The following RNLS variants were observed in gnomAD, a reference collection of about 807,000 sequenced individuals.
RNLS encodes renalase, FAD dependent amine oxidase, also known as renalase.
A neutral mutation model predicts 39.8 loss-of-function variants in RNLS; 39 were observed. The observed-to-expected ratio is 0.98, with a 90% confidence interval of 0.76 to 1.28. The LOEUF is 1.28. RNLS is among the 50% of genes most tolerant of loss of function. RNLS has a pLI of 0.00. For missense variants in RNLS, 410 were observed against 413.3 expected (o/e 0.99, Z 0.07); for synonymous variants, 147 against 150.7 (o/e 0.98, Z 0.18).
At chr10:88,391,391 C>G (rs1222312961) in intron 4 of RNLS, among the ~76,000 whole-genome samples, 1 of 152,074 alleles carries the variant, frequency 6.6e-6, no homozygotes, top group Non-Finnish European at 1.5e-5. Flanking sequence ...AACCCCATCT[C>G]TACTAAAAAT....
At chr10:88,477,950 A>G (rs925213253) in intron 4 of RNLS, among the ~76,000 whole-genome samples, 1 of 152,200 alleles carries the variant, frequency 6.6e-6, no homozygotes, top group African/African-American at 2.4e-5. Flanking sequence ...GAATGCAATC[A>G]TGCATGGAAT....
intron 6 of RNLS, among the ~76,000 whole-genome samples, chr10:88,287,681 C>A (rs1408217776): frequency 6.6e-6 from 1 of 152,062 alleles, no homozygotes; most frequent in African/African-American, 2.4e-5. Context: ...AACTTATAAT[C>A]ATGGCAGAAG....
At chr10:88,463,771 A>G (rs1412605693) in intron 4 of RNLS, among the ~76,000 whole-genome samples, 1 of 151,994 alleles carries the variant, frequency 6.6e-6, no homozygotes, top group Non-Finnish European at 1.5e-5. Context: ...AAAAAATAAA[A>G]TACAGTTTTA....
chr10:88,334,486 A>G (rs760554685), intron 5 of RNLS, among the ~76,000 whole-genome samples: 2 of 152,164 alleles, frequency 1.3e-5, no homozygotes, highest in East Asian at 1.9e-4. Context: ...TGAAAAACCA[A>G]CCTATCAAGC....
chr10:88,347,765 C>T (rs1226915475), intron 5 of RNLS, among the ~76,000 whole-genome samples: 9 of 152,090 alleles, frequency 5.9e-5, no homozygotes, highest in East Asian at 1.9e-4. Flanking sequence ...GGAACTTCCA[C>T]CACCTGGTTT....
At chr10:88,188,320 G>T in the RNLS span, among the ~76,000 whole-genome samples, 2 of 152,302 alleles carry the variant, frequency 1.3e-5, no homozygotes, top group African/African-American at 4.8e-5. Flanking sequence ...GCTTCCCAAA[G>T]TGCTAGGATT....
At chr10:88,247,662 A>G in the RNLS span, among the ~76,000 whole-genome samples, 2 of 152,216 alleles carry the variant, frequency 1.3e-5, no homozygotes, top group Non-Finnish European at 2.9e-5. Flanking sequence ...AAAGATTCCT[A>G]TATCCTAATC....
chr10:88,318,370 C>T (rs1564689866), intron 5 of RNLS, among the ~76,000 whole-genome samples: 1 of 152,222 alleles, frequency 6.6e-6, no homozygotes. Context: ...GGGGGTAGCA[C>T]TGATGGCTAG....
chr10:88,351,080 T>C lies in RNLS; in HGVS notation c.700+11472A>G, dbSNP rs1848665813. ...CTTCGCCCACTTGTTGGTGGGGTTG[T>C]TTTTTTTCTTGTAAATTTGTTTGAG... is the stretch of plus-strand genomic sequence containing the variant. On this transcript the variant is annotated intron_variant, in intron 5 of 6. Transcript: ENST00000331772. Among the ~76,000 whole-genome samples the C allele has an allele frequency of 2.0e-5, 3 of 151,598 alleles. No homozygotes were observed. In the South Asian group the frequency reaches 6.3e-4, roughly 32 times the overall value.
intron 5 of RNLS, among the ~76,000 whole-genome samples, chr10:88,349,294 G>C (rs1848513614): frequency 6.6e-6 from 1 of 152,124 alleles, no homozygotes; most frequent in Admixed American, 6.5e-5. Flanking sequence ...GAGTTAAGTT[G>C]CTTTGCAAGT....
intron 6 of RNLS, among the ~76,000 whole-genome samples, chr10:88,298,744 A>C (rs903431678): frequency 1.3e-5 from 2 of 152,134 alleles, no homozygotes; most frequent in Non-Finnish European, 2.9e-5. Context: ...TTGCAGTAAG[A>C]TTTGAAAAGA....
intron 6 of RNLS, among the ~76,000 whole-genome samples, chr10:88,293,775 T>C (rs1843861168): frequency 6.6e-6 from 1 of 152,062 alleles, no homozygotes; most frequent in African/African-American, 2.4e-5. Flanking sequence ...CTGAAGAATG[T>C]TTTCCATGAA....
At chr10:88,234,839 G>C in the RNLS span, among the ~76,000 whole-genome samples, 1 of 152,190 alleles carries the variant, frequency 6.6e-6, no homozygotes. Context: ...TTTTAGAAGA[G>C]ACCAGGAAGG....
At chr10:88,551,921 C>T (rs1039442182) in intron 4 of RNLS, among the ~76,000 whole-genome samples, 2 of 152,046 alleles carry the variant, frequency 1.3e-5, no homozygotes, top group Admixed American at 6.5e-5. Context: ...TCCCATCTGA[C>T]GATGTGTTTG....
chr10:88,554,787 C>T (rs1401296353), intron 4 of RNLS, among the ~76,000 whole-genome samples: 1 of 152,098 alleles, frequency 6.6e-6, no homozygotes, highest in African/African-American at 2.4e-5. Flanking sequence ...AATCTTGCTC[C>T]TACATAATCA....
At chr10:88,410,067 C>G (rs1853559291) in intron 4 of RNLS, among the ~76,000 whole-genome samples, 1 of 152,050 alleles carries the variant, frequency 6.6e-6, no homozygotes, top group Admixed American at 6.6e-5. Flanking sequence ...CTTACAAAAG[C>G]AAGCAACAGG....
downstream of RNLS, among the ~76,000 whole-genome samples, chr10:88,280,881 T>C (rs184168329): frequency 3.5e-4 from 54 of 152,244 alleles, no homozygotes; most frequent in South Asian, 2.9e-3. Context: ...TCCAAACCTC[T>C]CTAAGCTTAG....
chr10:88,397,206 C>T (rs1202165121), intron 4 of RNLS, among the ~76,000 whole-genome samples: 1 of 151,800 alleles, frequency 6.6e-6, no homozygotes, highest in Non-Finnish European at 1.5e-5. Context: ...CAGGATGAAG[C>T]CTGTGTTAGG....
chr10:88,407,326 C>T (rs1853343346), intron 4 of RNLS, among the ~76,000 whole-genome samples: 1 of 151,872 alleles, frequency 6.6e-6, no homozygotes, highest in Non-Finnish European at 1.5e-5. Flanking sequence ...GAAAAAAATG[C>T]AACATTTATT....
Sources: gnomAD v4.1 joint callset for allele counts (sites outside exome capture counted in the v4.1 genomes callset) on GRCh38, gnomAD v4.1.1 for gene constraint, MANE v1.5 for transcripts, NCBI Gene and HGNC (gene_info 2026-07-23, HGNC 2026-07-21) for gene names.